The following CHD9 variants were observed in gnomAD, a reference collection of about 807,000 sequenced individuals.
CHD9 encodes chromodomain helicase DNA binding protein 9.
Under a neutral mutation model 316.1 loss-of-function variants are expected in CHD9, and 77 were observed. The ratio of observed to expected loss-of-function variants is 0.24; its 90% CI spans 0.20 to 0.29. The LOEUF (loss-of-function observed/expected upper bound fraction) is 0.29, where lower values mean the gene tolerates loss of function less well. Among genes scored for constraint, CHD9 ranks in the 10% least tolerant of loss-of-function variants. CHD9 has a pLI of 1.00. For missense variants in CHD9, 2,763 were observed against 3,438.1 expected (o/e 0.80, Z 4.91); for synonymous variants, 1,129 against 1,158.3 (o/e 0.97, Z 0.51).
At chr16:53,153,269 A>G (rs1301850243) in intron 1 of CHD9, among the ~76,000 whole-genome samples, 1 of 152,194 alleles carries the variant, frequency 6.6e-6, no homozygotes, top group African/African-American at 2.4e-5. Flanking sequence ...TGAAAGGATA[A>G]TAAATGGGAT....
intron 2 of CHD9, among the ~76,000 whole-genome samples, chr16:53,170,186 G>T (rs2152778000): frequency 6.6e-6 from 1 of 151,574 alleles, no homozygotes; most frequent in South Asian, 2.1e-4. Flanking sequence ...TTTCACCTTT[G>T]TAATTAATCA....
intron 19 of CHD9, among the ~76,000 whole-genome samples, chr16:53,256,632 T>C (rs1228089435): frequency 1.4e-5 from 2 of 147,840 alleles, no homozygotes; most frequent in Admixed American, 1.4e-4. Flanking sequence ...CATATTCCAT[T>C]TTTCTTTCTC....
chr16:53,208,238 ATCT>A, intron 2 of CHD9: 1 of 1,203,982 alleles, frequency 8.3e-7, no homozygotes, highest in Non-Finnish European at 1.1e-6. Flanking sequence ...CCATTTAGGA[ATCT>A]TCTTTCAATG....
intron 13 of CHD9, among the ~76,000 whole-genome samples, chr16:53,244,871 G>A (rs2049436774): frequency 6.6e-6 from 1 of 152,068 alleles, no homozygotes; most frequent in Admixed American, 6.6e-5. Context: ...GCTCACACCT[G>A]TAATCCCAGC....
intron 3 of CHD9, among the ~76,000 whole-genome samples, chr16:53,220,335 A>G (rs2047132611): frequency 6.6e-6 from 1 of 152,228 alleles, no homozygotes; most frequent in South Asian, 2.1e-4. Flanking sequence ...AGAATAATAT[A>G]GGGAAAAAGC....
In CHD9 at chr16:53,321,410, G is replaced by A. The variant is rs566732604; in HGVS notation, c.7714-116G>A. 175 of 1,390,498 alleles carry A rather than the reference G, an allele frequency of 1.3e-4. No homozygotes were observed. In the African/African-American group the frequency reaches 2.3e-3, roughly 18 times the overall value. 86.1% of individuals were successfully genotyped at this position (1,390,498 alleles called of 1,614,324 possible). On this transcript the variant is annotated intron_variant, in intron 37 of 38. Transcript: ENST00000447540. ...TAATATAATCATAAAGATTACCTAA[G>A]GTGGTTCAAAAAATATGTATTTTAA...
intron 1 of CHD9, among the ~76,000 whole-genome samples, chr16:53,147,528 C>T (rs933506314): frequency 7.9e-5 from 12 of 152,126 alleles, no homozygotes; most frequent in Non-Finnish European, 1.6e-4. Context: ...TCCCCTAGCC[C>T]CAATAACCTC....
At chr16:53,063,357 T>G (rs1410340914) in intron 1 of CHD9, among the ~76,000 whole-genome samples, 2 of 89,308 alleles carry the variant, frequency 2.2e-5, no homozygotes, top group African/African-American at 9.5e-5. Context: ...TCTCATAAAT[T>G]TCACACACAC....
intron 19 of CHD9, among the ~76,000 whole-genome samples, chr16:53,258,112 T>G (rs975377265): frequency 2.6e-5 from 4 of 152,176 alleles, no homozygotes; most frequent in African/African-American, 9.6e-5. Flanking sequence ...AACATGTTAA[T>G]GATAATGATC....
intron 22 of CHD9, among the ~76,000 whole-genome samples, chr16:53,268,554 ATCTT>A (rs1388897772): frequency 2.0e-5 from 3 of 152,204 alleles, no homozygotes; most frequent in African/African-American, 7.2e-5. Flanking sequence ...ATATAAATAA[ATCTT>A]TCACTAAAGT....
At chr16:53,216,525 C>G (rs2046775156) in intron 3 of CHD9, among the ~76,000 whole-genome samples, 1 of 152,108 alleles carries the variant, frequency 6.6e-6, no homozygotes, top group Admixed American at 6.5e-5. Context: ...AACTCATAAT[C>G]TGAGAATAAA....
chr16:53,268,610 T>G (rs1424102740), intron 22 of CHD9, among the ~76,000 whole-genome samples: 3 of 152,148 alleles, frequency 2.0e-5, no homozygotes, highest in Non-Finnish European at 4.4e-5. Context: ...CTTATATACA[T>G]CTTTAGAACC....
chr16:53,126,814 G>T (rs1332255735), intron 1 of CHD9, among the ~76,000 whole-genome samples: 1 of 152,040 alleles, frequency 6.6e-6, no homozygotes, highest in Non-Finnish European at 1.5e-5. Context: ...GAGTAGCTAG[G>T]ATTACAGGCA....
intron 27 of CHD9, among the ~76,000 whole-genome samples, chr16:53,288,716 A>G (rs2054094374): frequency 6.6e-6 from 1 of 152,186 alleles, no homozygotes; most frequent in East Asian, 1.9e-4. Context: ...AAGGCCAGTA[A>G]TTACTGACAA....
chr16:53,152,590 T>G (rs571633352), intron 1 of CHD9, among the ~76,000 whole-genome samples: 2 of 152,280 alleles, frequency 1.3e-5, no homozygotes, highest in South Asian at 4.1e-4. Flanking sequence ...GTTTTTCATG[T>G]GAGTGACATA....
intron 2 of CHD9, among the ~76,000 whole-genome samples, chr16:53,204,825 A>AT (rs2045770276): frequency 1.3e-5 from 2 of 151,762 alleles, no homozygotes; most frequent in African/African-American, 4.8e-5. Context: ...CCTTTTATGT[A>AT]TTTTTTTGTT....
chr16:53,319,228 A>G (rs2057097931), intron 37 of CHD9, among the ~76,000 whole-genome samples: 1 of 152,206 alleles, frequency 6.6e-6, no homozygotes, highest in African/African-American at 2.4e-5. Context: ...CGTCAGTGTA[A>G]GTACATCACA....
At chr16:53,271,678 C>A (rs1369021441) in intron 22 of CHD9, among the ~76,000 whole-genome samples, 1 of 151,866 alleles carries the variant, frequency 6.6e-6, no homozygotes, top group Non-Finnish European at 1.5e-5. Flanking sequence ...TCATTAATAT[C>A]TTCAAAGATA....
At chr16:53,259,730 G>A (rs551906051) in intron 19 of CHD9, among the ~76,000 whole-genome samples, 1 of 152,178 alleles carries the variant, frequency 6.6e-6, no homozygotes, top group African/African-American at 2.4e-5. Context: ...GCCCAGGCTG[G>A]TCTCAAATTC....
Sources: allele counts gnomAD v4.1 joint callset (sites outside exome capture counted in the v4.1 genomes callset), GRCh38; gene constraint gnomAD v4.1.1; transcripts MANE v1.5; gene names NCBI Gene and HGNC (gene_info 2026-07-23, HGNC 2026-07-21).